The following CDH23 variants were observed in gnomAD, a reference collection of about 807,000 sequenced individuals.
CDH23 encodes the protein cadherin related 23, also known as cadherin-23.
In CDH23, 189 loss-of-function variants were observed where a neutral mutation model predicts 317.1. The observed-to-expected ratio is 0.60, with a 90% CI of 0.53 to 0.67. The LOEUF (loss-of-function observed/expected upper bound fraction) is 0.67, where lower values mean the gene tolerates loss of function less well. CDH23 is among the 30% of genes least tolerant of loss of function. The pLI is 0.00. For synonymous variants in CDH23, 1,839 were observed against 1,876.8 expected (o/e 0.98, Z 0.52); for missense variants, 4,401 against 4,592.4 (o/e 0.96, Z 1.20).
chr10:71,649,510 G>T (rs1863064075), intron 14 of CDH23, among the ~76,000 whole-genome samples: 1 of 152,176 alleles, frequency 6.6e-6, no homozygotes, highest in Admixed American at 6.5e-5. Flanking sequence ...AATAGGAAGG[G>T]CTGTCACCAC....
At chr10:71,737,157 T>C (rs1839589751) in intron 34 of CDH23, among the ~76,000 whole-genome samples, 1 of 152,138 alleles carries the variant, frequency 6.6e-6, no homozygotes. Flanking sequence ...GGACTGGGGC[T>C]CAGGGACCTC....
intron 38 of CDH23, among the ~76,000 whole-genome samples, chr10:71,771,348 C>T (rs1360337103): frequency 6.6e-6 from 1 of 152,190 alleles, no homozygotes; most frequent in Non-Finnish European, 1.5e-5. Flanking sequence ...CTGGCCCAAC[C>T]CCAAGAGCTG....
chr10:71,658,200 T>C (rs1031077936), intron 14 of CDH23, among the ~76,000 whole-genome samples: 6 of 152,060 alleles, frequency 3.9e-5, no homozygotes, highest in Non-Finnish European at 1.5e-5. Context: ...TAAATATCTG[T>C]CTTTGAAACC....
At chr10:71,503,938 C>T (rs776326352) in intron 3 of CDH23, among the ~76,000 whole-genome samples, 44 of 152,046 alleles carry the variant, frequency 2.9e-4, no homozygotes, top group Non-Finnish European at 5.0e-4. Flanking sequence ...GCATGTGGGG[C>T]CAGATGGGGC....
At position 71,609,765 on chromosome 10, in the gene CDH23, C is replaced by T. The variant is rs74147376; in HGVS notation, c.833-5739C>T. Among the ~76,000 whole-genome samples the T allele has an allele frequency of 6.4e-3, 971 of 152,310 alleles. 9 individuals carry two copies. The highest frequency in any genetic ancestry group is 0.022 in the African/African-American group (929 of 41,562). On this transcript the variant is annotated intron_variant, in intron 9 of 69. Transcript: ENST00000224721. ...TGGTGCGCTTTTTCCCAGTGTCTGA[C>T]GAACGTCACCAGCCCCATTGTGCTG...
intron 18 of CDH23, among the ~76,000 whole-genome samples, chr10:71,685,599 G>A (rs1864841289): frequency 6.6e-6 from 1 of 152,346 alleles, no homozygotes; most frequent in African/African-American, 2.4e-5. Flanking sequence ...TGAAACCACA[G>A]TGGCCTAGTA....
chr10:71,618,081 G>A (rs1205048253), intron 11 of CDH23, among the ~76,000 whole-genome samples: 2 of 152,208 alleles, frequency 1.3e-5, no homozygotes, highest in East Asian at 3.9e-4. Flanking sequence ...GCCTGTACCC[G>A]TTTTTGCTCC....
intron 1 of CDH23, among the ~76,000 whole-genome samples, chr10:71,417,153 G>C (rs1848571627): frequency 6.6e-6 from 1 of 150,382 alleles, no homozygotes; most frequent in Non-Finnish European, 1.5e-5. Context: ...TCGGCTCACT[G>C]CCAACCTCTG....
At chr10:71,625,325 T>C (rs968531044) in intron 11 of CDH23, among the ~76,000 whole-genome samples, 1 of 147,934 alleles carries the variant, frequency 6.8e-6, no homozygotes, top group Non-Finnish European at 1.5e-5. Context: ...GTTCATTTAT[T>C]TGAGGGGCAT....
chr10:71,643,395 T>C (rs1276811675), intron 11 of CDH23, among the ~76,000 whole-genome samples: 1 of 152,206 alleles, frequency 6.6e-6, no homozygotes, highest in Non-Finnish European at 1.5e-5. Context: ...TCTGACATTT[T>C]TTATGTTAGG....
chr10:71,397,489 C>G lies in CDH23; in HGVS notation c.-6+171C>G, dbSNP rs991671179. Among the ~76,000 whole-genome samples the G allele has an allele frequency of 2.0e-5, 3 of 151,798 alleles. No homozygotes were observed. The highest frequency in any genetic ancestry group is 2.0e-4 in the Admixed American group (3 of 15,276). ...TCGCGGCATCCTTCGGTCCCAGGCC[C>G]CTGGCCCTAGCCTCGCGCCCCGCTC... On this transcript the variant is annotated intron_variant, in intron 1 of 69. Transcript: ENST00000224721. This position sits in a 1 kb window ranked among gnomAD's most constrained non-coding sequence, Gnocchi z 4.8.
chr10:71,442,460 CA>C (rs1849935965), intron 2 of CDH23, among the ~76,000 whole-genome samples: 1 of 152,244 alleles, frequency 6.6e-6, no homozygotes, highest in Non-Finnish European at 1.5e-5. Flanking sequence ...CTGCCCTCGC[CA>C]CTTTGTTTCC....
chr10:71,806,065 A>C (rs933631951), intron 56 of CDH23, 68 bp downstream of exon 56: 143 of 1,533,784 alleles, frequency 9.3e-5, no homozygotes, highest in Non-Finnish European at 1.2e-4. Context: ...CGGGTCTTGC[A>C]CCTCGCCTCC....
At chr10:71,613,292 C>A (rs947449664) in intron 9 of CDH23, among the ~76,000 whole-genome samples, 5 of 152,194 alleles carry the variant, frequency 3.3e-5, no homozygotes, top group African/African-American at 4.8e-5. Flanking sequence ...GCAATCCTGT[C>A]CCCCCAACTC....
In CDH23 at chr10:71,790,294, CT is replaced by C; in HGVS notation, c.5931del (p.Leu1978SerfsTer21). Reference sequence around the variant, plus strand: ...CCCTCTCCTTCTGGCCCAGGCACCCCTCTCACGGTGCTCAATGGGCCCATCC... The same window carrying C: ...CCCTCTCCTTCTGGCCCAGGCACCCCCTCACGGTGCTCAATGGGCCCATCC... ...EVMENSPAGT[P>X]LTVLNGPILA... On this transcript the variant is annotated frameshift_variant, in exon 46 of 70. Transcript: ENST00000224721. LOFTEE classifies it high-confidence loss of function. 2 of 1,613,758 alleles carry C rather than the reference CT, an allele frequency of 1.2e-6. No individual in the cohort carries two copies. Among genetic ancestry groups the C allele is most frequent in the Non-Finnish European group, 1.7e-6 (2 of 1,179,828 alleles).
chr10:71,681,319 A>C (rs1864639216), intron 17 of CDH23, among the ~76,000 whole-genome samples: 1 of 152,098 alleles, frequency 6.6e-6, no homozygotes, highest in Non-Finnish European at 1.5e-5. Flanking sequence ...CCCACTCCCA[A>C]GCCAATATAC....
chr10:71,609,775 C>T (rs74147377), intron 9 of CDH23, among the ~76,000 whole-genome samples: 1 of 152,220 alleles, frequency 6.6e-6, no homozygotes. Flanking sequence ...CGAACGTCAC[C>T]AGCCCCATTG....
chr10:71,584,927 C>T (rs2132425428), intron 9 of CDH23, among the ~76,000 whole-genome samples: 2 of 152,230 alleles, frequency 1.3e-5, no homozygotes, highest in Middle Eastern at 6.8e-3. Context: ...CAGGGCAGAT[C>T]AGAGAGGGGT....
At chr10:71,496,822 C>T (rs1853000629) in intron 3 of CDH23, among the ~76,000 whole-genome samples, 1 of 102,414 alleles carries the variant, frequency 9.8e-6, no homozygotes, top group Non-Finnish European at 2.4e-5. Context: ...TGTATGTGGT[C>T]TGGTGTACAG....
Sources: allele counts gnomAD v4.1 joint callset (sites outside exome capture counted in the v4.1 genomes callset), GRCh38; gene constraint gnomAD v4.1.1; non-coding constraint Gnocchi (gnomAD v3.1); transcripts MANE v1.5; gene names NCBI Gene and HGNC (gene_info 2026-07-23, HGNC 2026-07-21).